Variants in UNC13C observed in about 807,000 individuals in gnomAD.
The protein encoded by UNC13C is protein unc-13 homolog C.
A neutral mutation model predicts 245.4 loss-of-function variants in UNC13C; 174 were observed. That is an observed-to-expected ratio of 0.71 (90% confidence interval 0.63 to 0.80). The LOEUF (loss-of-function observed/expected upper bound fraction) is 0.80. Ranked by LOEUF, UNC13C falls within the 30% of genes least tolerant of loss-of-function variation. The probability of loss-of-function intolerance (pLI) is 0.00; values close to 1 mark genes in which losing one functional copy is unlikely to be tolerated. For missense variants in UNC13C, 2,829 were observed against 2,602.9 expected, an observed-to-expected ratio of 1.09 and a Z score of -1.89; for synonymous variants, 992 against 895.1, an observed-to-expected ratio of 1.11 and a Z score of -1.93.
At chr15:54,331,594 C>T (rs866160816) in intron 14 of UNC13C, among the ~76,000 whole-genome samples, 7 of 151,996 alleles carry the variant, frequency 4.6e-5, no homozygotes, top group South Asian at 2.1e-4. Context: ...CTCCCACTTC[C>T]GTAGGTGGTA....
At chr15:54,516,119 C>T (rs1267321153) in intron 24 of UNC13C, among the ~76,000 whole-genome samples, 2 of 152,144 alleles carry the variant, frequency 1.3e-5, no homozygotes, top group Non-Finnish European at 2.9e-5. Context: ...GTATGTAGCT[C>T]ATTGAAATTC....
intron 6 of UNC13C, among the ~76,000 whole-genome samples, chr15:54,237,332 T>C (rs1008664815): frequency 6.6e-6 from 1 of 152,100 alleles, no homozygotes; most frequent in Non-Finnish European, 1.5e-5. Flanking sequence ...CCTGAGGTGG[T>C]TGAGGGGGCT....
intron 10 of UNC13C, among the ~76,000 whole-genome samples, chr15:54,290,160 T>C (rs1048754252): frequency 2.6e-5 from 4 of 152,076 alleles, no homozygotes; most frequent in African/African-American, 9.7e-5. Context: ...TTTCTGACAG[T>C]TTAAATGTGA....
In UNC13C at chr15:54,338,361, G is replaced by T; in HGVS notation, c.4585G>T (p.Val1529Phe). The change falls in exon 17 of 33, where the codon GTT becomes TTT. Residue 1529 changes from valine (V) to phenylalanine (F), a missense_variant and splice_region_variant. Transcript: ENST00000260323. ...LTSITFFRMK[V>F]LELQSPPKAS... ...GAAAATAAATGTCTGTCTTTGTCAG[G>T]TTCTGGAGCTGCAAAGCCCCCCAAA... 6.3e-7 allele frequency: 1 copy of T among 1,587,952 alleles called. No individual in the cohort carries two copies. Among genetic ancestry groups the T allele is most frequent in the Non-Finnish European group, 8.6e-7 (1 of 1,164,700 alleles).
chr15:53,845,476 C>T, the UNC13C span, among the ~76,000 whole-genome samples: 7 of 152,146 alleles, frequency 4.6e-5, no homozygotes, highest in South Asian at 6.2e-4. Flanking sequence ...TCCTACTTTG[C>T]CTACAGCCTT....
chr15:54,616,968 C>A (rs1397238674), intron 30 of UNC13C, among the ~76,000 whole-genome samples: 1 of 152,012 alleles, frequency 6.6e-6, no homozygotes, highest in Non-Finnish European at 1.5e-5. Context: ...ACAGGTGTTA[C>A]AACTGCTTAC....
At position 54,577,485 on chromosome 15, in the gene UNC13C, T is replaced by C. The variant is rs186477580; in HGVS notation, c.6106+9538T>C. ...GGCTGAGCTGTGTGGGTCACAGTCT[T>C]GAGCAGGCTTACTCCCTGTTTCCCA... On this transcript the variant is annotated intron_variant, in intron 30 of 32. Coordinates refer to ENST00000260323, the MANE Select transcript of UNC13C (RefSeq NM_001080534.3). Among the ~76,000 whole-genome samples the C allele has an allele frequency of 6.8e-3, 1,043 of 152,292 alleles. 18 individuals are homozygous for C. Among genetic ancestry groups the C allele is most frequent in the African/African-American group, 0.024 (1,009 of 41,544 alleles).
At chr15:54,245,197 T>C (rs567138304) in intron 7 of UNC13C, among the ~76,000 whole-genome samples, 1 of 152,292 alleles carries the variant, frequency 6.6e-6, no homozygotes, top group African/African-American at 2.4e-5. Flanking sequence ...CTCTCATCAC[T>C]TGTATACATT....
chr15:54,162,668 G>A (rs1160832019), intron 4 of UNC13C, among the ~76,000 whole-genome samples: 1 of 152,064 alleles, frequency 6.6e-6, no homozygotes, highest in Non-Finnish European at 1.5e-5. Context: ...AGATTTCCTG[G>A]AACTTTCTCC....
rs193234115 is a variant in UNC13C at position 54,095,451 on chromosome 15, C to T, written c.2984-47567C>T. ...TGAATTTTCTGTTCCATGTCCATGT[C>T]ACCAAACTAATGTTAAGCAACCTTC... On this transcript the variant is annotated intron_variant, in intron 2 of 32. Coordinates refer to ENST00000260323, the MANE Select transcript of UNC13C (RefSeq NM_001080534.3). Among the ~76,000 whole-genome samples, 905 of 152,320 alleles carry T rather than the reference C, an allele frequency of 5.9e-3. 6 individuals are homozygous for T. Among genetic ancestry groups the T allele is most frequent in the Admixed American group, 0.012 (183 of 15,302 alleles).
chr15:54,230,597 A>G (rs2035524017), intron 4 of UNC13C, among the ~76,000 whole-genome samples: 1 of 152,056 alleles, frequency 6.6e-6, no homozygotes, highest in Admixed American at 6.6e-5. Flanking sequence ...CAAGACAATT[A>G]ACTGAACCTG....
intron 2 of UNC13C, among the ~76,000 whole-genome samples, chr15:54,057,500 A>G (rs935996422): frequency 4.6e-5 from 7 of 151,744 alleles, no homozygotes; most frequent in African/African-American, 1.7e-4. Flanking sequence ...AGACTCCCAC[A>G]CAATAATAAT....
intron 19 of UNC13C, among the ~76,000 whole-genome samples, chr15:54,433,165 G>C (rs1289797493): frequency 2.6e-5 from 4 of 152,070 alleles, no homozygotes; most frequent in African/African-American, 9.7e-5. Flanking sequence ...ATACAAAGAG[G>C]AGATGGTACC....
intron 17 of UNC13C, among the ~76,000 whole-genome samples, chr15:54,378,044 T>C (rs1187325285): frequency 2.0e-5 from 3 of 152,106 alleles, no homozygotes; most frequent in Non-Finnish European, 2.9e-5. Context: ...AAAAGTGATG[T>C]TTTTATATGT....
chr15:54,028,981 T>C (rs1896242647), intron 2 of UNC13C, among the ~76,000 whole-genome samples: 1 of 152,200 alleles, frequency 6.6e-6, no homozygotes, highest in South Asian at 2.1e-4. Flanking sequence ...GGAGGCAACC[T>C]ACCTAAAACG....
rs573008579 is a variant in UNC13C at position 54,425,244 on chromosome 15, A to T, written c.4933+10177A>T. Among the ~76,000 whole-genome samples, 33 of 151,968 alleles carry T rather than the reference A, an allele frequency of 2.2e-4. No homozygotes were observed. The South Asian group carries it at 6.6e-3, about 31-fold the overall frequency. On this transcript the variant is annotated intron_variant, in intron 19 of 32. Coordinates refer to ENST00000260323, the MANE Select transcript of UNC13C (RefSeq NM_001080534.3). ...TTCACTATGTAGATGGCAGAGTTCA[A>T]TGACACCGTGACCCCAAATCACTGC...
rs188279061 is a variant in UNC13C, at chr15:54,560,634, G to T, written c.5958+5122G>T. 2.6e-3 allele frequency among the ~76,000 whole-genome samples: 397 copies of T among 151,910 alleles called. 2 individuals are homozygous for T. The highest frequency in any genetic ancestry group is 4.9e-3 in the Non-Finnish European group (336 of 67,910). On this transcript the variant is annotated intron_variant, in intron 29 of 32. Transcript: ENST00000260323. The stretch of plus-strand genomic sequence containing the variant: ...ACATTTGTGACACCAATGTATTAAT[G>T]TATCTAGGGTGGAAGCCTTTACAAA...
chr15:54,354,055 T>G (rs1287386115), intron 17 of UNC13C, among the ~76,000 whole-genome samples: 1 of 152,170 alleles, frequency 6.6e-6, no homozygotes, highest in Non-Finnish European at 1.5e-5. Flanking sequence ...GTGGATGTCT[T>G]AGGAAGAGAT....
At position 54,220,198 on chromosome 15, in the gene UNC13C, A is replaced by G. The variant is rs60725993; in HGVS notation, c.3072-14832A>G. Among the ~76,000 whole-genome samples the G allele has an allele frequency of 1.5e-4, 22 of 151,444 alleles. No homozygotes were observed. The East Asian group carries it at 3.7e-3, about 25-fold the overall frequency. On this transcript the variant is annotated intron_variant, in intron 4 of 32. Transcript: ENST00000260323. ...ATAGCAAAGACTTGGAACCAACCCA[A>G]ATGTCTAACAATGATAGACTGGATT...
Sources: gnomAD v4.1 joint callset for allele counts (sites outside exome capture counted in the v4.1 genomes callset) on GRCh38, gnomAD v4.1.1 for gene constraint, MANE v1.5 for transcripts, NCBI Gene and HGNC (gene_info 2026-07-23, HGNC 2026-07-21) for gene names.